The following FBXO34 variants were observed in gnomAD, a reference collection of about 807,000 sequenced individuals.
FBXO34 encodes F-box only protein 34.
A neutral mutation model predicts 24.5 loss-of-function variants in FBXO34; 12 were observed. The ratio of observed to expected loss-of-function variants is 0.49; its 90% CI spans 0.31 to 0.79. FBXO34 has a LOEUF of 0.79. Among genes scored for constraint, FBXO34 ranks in the 30% least tolerant of loss-of-function variants. The pLI is 0.04. For synonymous variants in FBXO34, 320 were observed against 311.9 expected, an observed-to-expected ratio of 1.03 and a Z score of -0.27; for missense variants, 823 against 857.7, an observed-to-expected ratio of 0.96 and a Z score of 0.51.
chr14:55,358,441 T>G (rs1324761362), downstream of FBXO34, among the ~76,000 whole-genome samples: 1 of 152,096 alleles, frequency 6.6e-6, no homozygotes, highest in Non-Finnish European at 1.5e-5. Context: ...GCACATCCCC[T>G]CCAGCATCCT....
the FBXO34 span, among the ~76,000 whole-genome samples, chr14:55,402,605 T>C: frequency 6.6e-6 from 1 of 152,030 alleles, no homozygotes; most frequent in Non-Finnish European, 1.5e-5. Context: ...TATGCTTTTA[T>C]TCTTTAATCA....
intron 1 of FBXO34, chr14:55,282,408 C>T (rs1459848551): frequency 6.0e-6 from 2 of 335,456 alleles, no homozygotes; most frequent in East Asian, 1.5e-4. Flanking sequence ...ACACATTGGA[C>T]CACGATAGGC....
At chr14:55,377,501 T>C in the FBXO34 span, among the ~76,000 whole-genome samples, 8,855 of 151,946 alleles carry the variant, frequency 0.058, 325 homozygotes, top group South Asian at 0.089. Context: ...GGAGAAGAAA[T>C]AGACGCAGAT....
chr14:55,402,921 A>AG, the FBXO34 span, among the ~76,000 whole-genome samples: 1 of 45,680 alleles, frequency 2.2e-5, no homozygotes, highest in African/African-American at 1.1e-4. Flanking sequence ...AAAAAAAAAA[A>AG]AAAAAATATA....
chr14:55,348,692 A>C (rs1037817606), intron 1 of FBXO34, among the ~76,000 whole-genome samples: 4 of 152,230 alleles, frequency 2.6e-5, no homozygotes, highest in African/African-American at 9.6e-5. Context: ...TAACTTTTAA[A>C]AAACACTTTG....
the FBXO34 span, among the ~76,000 whole-genome samples, chr14:55,417,900 A>C: frequency 6.6e-6 from 1 of 152,238 alleles, no homozygotes; most frequent in East Asian, 1.9e-4. Context: ...CTTAAGTGCC[A>C]GCTCTACCTC....
the FBXO34 span, chr14:55,437,093 T>A: frequency 7.5e-7 from 1 of 1,325,484 alleles, no homozygotes; most frequent in Non-Finnish European, 1.1e-6. Context: ...GATGTCACTA[T>A]GGCAGGCAGG....
the FBXO34 span, among the ~76,000 whole-genome samples, chr14:55,439,363 T>C: frequency 6.6e-6 from 1 of 151,470 alleles, no homozygotes. Flanking sequence ...ACTTGACTTC[T>C]AGAGGGAGGC....
chr14:55,391,131 C>A, the FBXO34 span: 1 of 589,942 alleles, frequency 1.7e-6, no homozygotes, highest in South Asian at 2.2e-5. Context: ...GCTTTTGTAA[C>A]TATGGAACAT....
At chr14:55,274,393 A>G (rs999905889) in intron 1 of FBXO34, among the ~76,000 whole-genome samples, 8 of 152,176 alleles carry the variant, frequency 5.3e-5, no homozygotes, top group Admixed American at 5.2e-4. Context: ...ACATTTTTAC[A>G]GTCTGTTTCT....
chr14:55,313,616 G>T (rs866347439), intron 1 of FBXO34, among the ~76,000 whole-genome samples: 15 of 152,288 alleles, frequency 9.8e-5, no homozygotes, highest in Middle Eastern at 3.4e-3. Context: ...ACATGGCTGG[G>T]CGAACACAGG....
the FBXO34 span, among the ~76,000 whole-genome samples, chr14:55,384,252 C>T: frequency 7.2e-5 from 11 of 152,196 alleles, no homozygotes; most frequent in South Asian, 2.1e-4. Context: ...ATTTTCTCCT[C>T]GTGTGTGTAT....
At chr14:55,434,729 G>GT in the FBXO34 span, among the ~76,000 whole-genome samples, 2 of 152,180 alleles carry the variant, frequency 1.3e-5, no homozygotes, top group African/African-American at 4.8e-5. Context: ...AAGCTTTATT[G>GT]TATTCGGGTA....
chr14:55,424,366 C>A, the FBXO34 span: 1 of 630,090 alleles, frequency 1.6e-6, no homozygotes. Context: ...AATAAGTTAG[C>A]TATTTTATCA....
At chr14:55,361,416 C>T (rs1884593878) in intron 3 of FBXO34, among the ~76,000 whole-genome samples, 2 of 152,288 alleles carry the variant, frequency 1.3e-5, no homozygotes, top group Admixed American at 1.3e-4. Flanking sequence ...GTTCCATTTA[C>T]AGAGCACAGG....
At chr14:55,423,056 C>T in the FBXO34 span, among the ~76,000 whole-genome samples, 309 of 151,560 alleles carry the variant, frequency 2.0e-3, 1 homozygote, top group Non-Finnish European at 3.7e-3. Flanking sequence ...ACTCAAATCC[C>T]GAGAAAATAC....
chr14:55,377,807 A>T, the FBXO34 span: 1 of 1,550,846 alleles, frequency 6.4e-7, no homozygotes, highest in Non-Finnish European at 8.7e-7. Context: ...AAAGCAACAA[A>T]TATCTTCTTA....
chr14:55,307,915 A>C (rs902230250), intron 1 of FBXO34, among the ~76,000 whole-genome samples: 1 of 152,168 alleles, frequency 6.6e-6, no homozygotes, highest in Non-Finnish European at 1.5e-5. Context: ...CCCCCACCCA[A>C]ATCTCACCTT....
chr14:55,402,317 C>T, the FBXO34 span, among the ~76,000 whole-genome samples: 64 of 152,160 alleles, frequency 4.2e-4, no homozygotes, highest in East Asian at 3.9e-4. Context: ...GTCTCAGAAA[C>T]ACTACTAATG....
Sources: allele counts gnomAD v4.1 joint callset (sites outside exome capture counted in the v4.1 genomes callset), GRCh38; gene constraint gnomAD v4.1.1; transcripts MANE v1.5; gene names NCBI Gene and HGNC (gene_info 2026-07-23, HGNC 2026-07-21).